AOAH: variants seen among roughly 807,000 people sequenced by gnomAD.
AOAH encodes acyloxyacyl hydrolase.
In AOAH, 64 loss-of-function variants were observed where a neutral mutation model predicts 92.2. The ratio of observed to expected loss-of-function variants is 0.69; its 90% CI spans 0.57 to 0.86. The LOEUF is 0.86. Among genes scored for constraint, AOAH ranks in the 40% least tolerant of loss-of-function variants. AOAH has a pLI of 0.00. For missense variants in AOAH, 656 were observed against 694.6 expected (o/e 0.94, Z 0.62); for synonymous variants, 263 against 254.5 (o/e 1.03, Z -0.32).
intron 1 of AOAH, among the ~76,000 whole-genome samples, chr7:36,688,436 T>C (rs1361433224): frequency 1.3e-5 from 2 of 152,160 alleles, no homozygotes. Context: ...TAATGTACTT[T>C]TACACCCTAG....
Position 36,532,285 on chromosome 7 carries a change from C to T in AOAH, c.1365+1G>A. 1 of 1,614,148 alleles carries T rather than the reference C, an allele frequency of 6.2e-7. No individual in the cohort carries two copies. Among genetic ancestry groups the T allele is most frequent in the East Asian group, 2.2e-5 (1 of 44,878 alleles). On this transcript the variant is annotated splice_donor_variant, in intron 17 of 20. Transcript: ENST00000617537. LOFTEE classifies it high-confidence loss of function. ...CTTGAAGCAAGCCAGTGAGTGCTCA[C>T]CTGGAGGCAGTTCAGGAAGGAGTAC...
intron 1 of AOAH, among the ~76,000 whole-genome samples, chr7:36,719,106 C>T (rs1027602101): frequency 6.6e-6 from 1 of 152,012 alleles, no homozygotes; most frequent in African/African-American, 2.4e-5. Context: ...TATTTTTTCG[C>T]CTACCAAACA....
At chr7:36,644,781 T>C (rs946453837) in intron 4 of AOAH, among the ~76,000 whole-genome samples, 14 of 152,164 alleles carry the variant, frequency 9.2e-5, no homozygotes, top group Non-Finnish European at 1.8e-4. Flanking sequence ...ATTTGAAAAG[T>C]ACAAAATGTG....
intron 13 of AOAH, among the ~76,000 whole-genome samples, chr7:36,549,907 T>C (rs1786079914): frequency 6.6e-6 from 1 of 152,302 alleles, no homozygotes; most frequent in East Asian, 1.9e-4. Flanking sequence ...CCCCATTTAA[T>C]CTCCTCCTAT....
intron 15 of AOAH, among the ~76,000 whole-genome samples, chr7:36,543,729 T>C (rs1415930671): frequency 6.6e-6 from 1 of 152,178 alleles, no homozygotes; most frequent in Non-Finnish European, 1.5e-5. Flanking sequence ...TTGGTGTTGC[T>C]AATGGAACAT....
intron 19 of AOAH, among the ~76,000 whole-genome samples, chr7:36,525,443 C>G (rs1177543215): frequency 6.6e-6 from 1 of 152,152 alleles, no homozygotes; most frequent in East Asian, 1.9e-4. Flanking sequence ...TAAAGTAATT[C>G]TAGGCTATTT....
At chr7:36,549,941 C>T (rs972663288) in intron 13 of AOAH, among the ~76,000 whole-genome samples, 6 of 152,200 alleles carry the variant, frequency 3.9e-5, no homozygotes, top group African/African-American at 1.4e-4. Flanking sequence ...TCCCAAGGCT[C>T]CCGCAGGCTG....
chr7:36,714,682 T>C lies in AOAH; in HGVS notation c.127+9340A>G, dbSNP rs563339075. Among the ~76,000 whole-genome samples, 358 of 152,250 alleles carry C rather than the reference T, an allele frequency of 2.4e-3. 1 individual carries two copies. Among genetic ancestry groups the C allele is most frequent in the Admixed American group, 4.8e-3 (73 of 15,288 alleles). The stretch of plus-strand genomic sequence containing the variant: ...GCAAGGCTGGTTCAACATATGTAAA[T>C]CAATAAATGTAATCCAGCATATAAA... On this transcript the variant is annotated intron_variant, in intron 1 of 20. Coordinates refer to ENST00000617537, the MANE Select transcript of AOAH (RefSeq NM_001637.4).
chr7:36,594,283 T>G (rs1789942992), intron 12 of AOAH, 56 bp downstream of exon 12: 2 of 1,391,036 alleles, frequency 1.4e-6, no homozygotes, highest in Non-Finnish European at 2.0e-6. Flanking sequence ...CCCCATCTCT[T>G]GTTCTTTCCT....
chr7:36,695,952 T>C (rs1797681807), intron 1 of AOAH, among the ~76,000 whole-genome samples: 1 of 152,248 alleles, frequency 6.6e-6, no homozygotes, highest in African/African-American at 2.4e-5. Flanking sequence ...TTCACAATTG[T>C]GTGAGGTTTG....
chr7:36,695,678 T>C (rs1334922982), intron 1 of AOAH, among the ~76,000 whole-genome samples: 1 of 152,204 alleles, frequency 6.6e-6, no homozygotes, highest in Non-Finnish European at 1.5e-5. Flanking sequence ...AATTGAAAAT[T>C]ATCAATCATG....
chr7:36,538,256 G>A (rs1343797996), intron 16 of AOAH, among the ~76,000 whole-genome samples: 4 of 151,422 alleles, frequency 2.6e-5, no homozygotes, highest in African/African-American at 7.3e-5. Context: ...TTGAACTCTC[G>A]CCACAGTTGA....
intron 4 of AOAH, among the ~76,000 whole-genome samples, chr7:36,641,039 C>A (rs975041539): frequency 5.3e-5 from 8 of 152,160 alleles, no homozygotes; most frequent in African/African-American, 1.9e-4. Context: ...AGGGGACCTG[C>A]AGCTTGAGCT....
Position 36,517,214 on chromosome 7 carries a change from C to CTTTCTTTCTTTCTTTCTTTCTTTCTCTT in AOAH, c.1600-3835_1600-3834insAAGAGAAAGAAAGAAAGAAAGAAAGAAA, listed in dbSNP as rs59205788. ...TCTTTCTTTCTTTCTTTCTTTCTTT[C>CTTTCTTTCTTTCTTTCTTTCTTTCTCTT]TCTTTCTTTCTGTCTCTCTCTCTCT... On this transcript the variant is annotated intron_variant, in intron 20 of 20. Coordinates refer to ENST00000617537, the MANE Select transcript of AOAH (RefSeq NM_001637.4). 1.2e-3 allele frequency among the ~76,000 whole-genome samples: 127 copies of CTTTCTTTCTTTCTTTCTTTCTTTCTCTT among 104,836 alleles called. 2 individuals carry two copies. The highest frequency in any genetic ancestry group is 4.8e-3 in the Admixed American group (47 of 9,700). The allele number at this position is 104,836 out of a possible 152,430, so 68.8% of individuals were successfully genotyped here. A position where few individuals can be genotyped will look rare whatever the true frequency, so the allele number is the denominator to read the frequency against.
At chr7:36,668,193 T>TTGTG (rs113575872) in intron 3 of AOAH, among the ~76,000 whole-genome samples, 20,281 of 151,778 alleles carry the variant, frequency 0.13, 1,513 homozygotes, top group Middle Eastern at 0.18. Context: ...TGAGAGGTTT[T>TTGTG]TGTGTGTGTG....
At chr7:36,676,097 C>T (rs1343399455) in intron 2 of AOAH, among the ~76,000 whole-genome samples, 6 of 151,926 alleles carry the variant, frequency 3.9e-5, no homozygotes, top group African/African-American at 9.7e-5. Context: ...TTTTATTCAA[C>T]GTTATAAGTT....
intron 18 of AOAH, among the ~76,000 whole-genome samples, chr7:36,531,489 G>C (rs540281866): frequency 6.6e-6 from 1 of 152,188 alleles, no homozygotes; most frequent in East Asian, 1.9e-4. Context: ...TGGGACTACA[G>C]GTGCCCACCA....
At chr7:36,561,536 AG>A (rs914684263) in intron 13 of AOAH, among the ~76,000 whole-genome samples, 4 of 152,172 alleles carry the variant, frequency 2.6e-5, no homozygotes, top group African/African-American at 9.7e-5. Context: ...GAAGGAGCAC[AG>A]CCCCCATGCG....
At chr7:36,650,914 G>T (rs748368430) in intron 4 of AOAH, among the ~76,000 whole-genome samples, 2 of 152,180 alleles carry the variant, frequency 1.3e-5, no homozygotes, top group African/African-American at 2.4e-5. Flanking sequence ...ACCTTCTTCA[G>T]AGAGGTTGGT....
Sources: allele counts gnomAD v4.1 joint callset (sites outside exome capture counted in the v4.1 genomes callset), GRCh38; gene constraint gnomAD v4.1.1; transcripts MANE v1.5; gene names NCBI Gene and HGNC (gene_info 2026-07-23, HGNC 2026-07-21).